ERI1: variants seen among roughly 807,000 people sequenced by gnomAD.
ERI1 encodes exoribonuclease 1, also known as 3'-5' exoribonuclease 1.
A neutral mutation model predicts 39.7 loss-of-function variants in ERI1; 39 were observed. The observed-to-expected ratio is 0.98, with a 90% CI of 0.76 to 1.28. ERI1 has a LOEUF of 1.28. Ranked by LOEUF, ERI1 falls within the 50% of genes most tolerant of loss-of-function variation. The pLI, the probability that ERI1 is intolerant of heterozygous loss-of-function variation, is 0.00. For synonymous variants in ERI1, 204 were observed against 149.6 expected (o/e 1.36, Z -2.65); for missense variants, 581 against 416.9 (o/e 1.39, Z -3.43).
chr8:9,019,484 C>T (rs1299588328), intron 5 of ERI1, among the ~76,000 whole-genome samples: 2 of 152,188 alleles, frequency 1.3e-5, no homozygotes, highest in Admixed American at 1.3e-4. Flanking sequence ...ATAGTATACG[C>T]AGTTCTGGTA....
downstream of ERI1, among the ~76,000 whole-genome samples, chr8:9,033,851 A>C (rs1344521952): frequency 8.2e-6 from 1 of 122,376 alleles, no homozygotes; most frequent in Non-Finnish European, 1.8e-5. Flanking sequence ...TAGGTAGAAT[A>C]AACATCTTCC....
At chr8:9,080,460 G>A (rs559879391) in intron 3 of ERI1, among the ~76,000 whole-genome samples, 24 of 152,324 alleles carry the variant, frequency 1.6e-4, no homozygotes, top group Admixed American at 3.9e-4. Context: ...AGACAGAGAC[G>A]TGAACAGCAC....
At chr8:9,064,842 A>G (rs752302809) in intron 3 of ERI1, among the ~76,000 whole-genome samples, 1 of 152,180 alleles carries the variant, frequency 6.6e-6, no homozygotes, top group Non-Finnish European at 1.5e-5. Flanking sequence ...TGTGTGAGCA[A>G]CAGGGCTGTT....
At chr8:9,041,685 A>G (rs2117347337) in intron 3 of ERI1, among the ~76,000 whole-genome samples, 1 of 152,364 alleles carries the variant, frequency 6.6e-6, no homozygotes, top group South Asian at 2.1e-4. Context: ...TAGCAAAAAC[A>G]GTATTGAGAG....
intron 3 of ERI1, among the ~76,000 whole-genome samples, chr8:9,088,156 G>GA (rs1173673733): frequency 1.3e-5 from 2 of 152,138 alleles, no homozygotes; most frequent in South Asian, 2.1e-4. Flanking sequence ...GTTCAAAAAG[G>GA]AGGCCTTCTA....
chr8:9,018,790 C>A (rs1019440664), intron 5 of ERI1, among the ~76,000 whole-genome samples: 29 of 151,498 alleles, frequency 1.9e-4, no homozygotes, highest in African/African-American at 7.1e-4. Context: ...TCAGACTGGC[C>A]CAGGAATTCA....
chr8:9,029,236 A>G (rs903480973), intron 6 of ERI1, among the ~76,000 whole-genome samples: 2 of 152,154 alleles, frequency 1.3e-5, no homozygotes, highest in East Asian at 3.8e-4. Context: ...TTAATAAATT[A>G]TTTTTAAATT....
chr8:9,013,704 C>A (rs898106161), intron 3 of ERI1, among the ~76,000 whole-genome samples: 5 of 152,154 alleles, frequency 3.3e-5, no homozygotes, highest in East Asian at 1.9e-4. Flanking sequence ...TTTGAACTTA[C>A]CCCAGCCCAT....
At chr8:9,023,438 G>C (rs1386167258) in intron 6 of ERI1, among the ~76,000 whole-genome samples, 2 of 152,032 alleles carry the variant, frequency 1.3e-5, no homozygotes, top group African/African-American at 2.4e-5. Flanking sequence ...TTTTCAGTCA[G>C]TTATGCATAA....
intron 3 of ERI1, among the ~76,000 whole-genome samples, chr8:9,055,763 A>T (rs944914519): frequency 2.6e-5 from 4 of 152,146 alleles, no homozygotes; most frequent in African/African-American, 7.2e-5. Context: ...CTGGTCTTGA[A>T]TTGGCCTCAA....
rs139876860 is a variant in ERI1, at chr8:9,011,621, G to C, written c.367G>C (p.Ala123Pro). The C allele has an allele frequency of 6.8e-6, 11 of 1,613,480 alleles. No individual in the cohort carries two copies. Among genetic ancestry groups the C allele is most frequent in the Non-Finnish European group, 9.3e-6 (11 of 1,179,600 alleles). Reference sequence around the variant, plus strand: ...GCTGATGCTGAAAGAGAGCAATTTTGCTGACAGTTATTATGACTACATTTG... The same window carrying C: ...GCTGATGCTGAAAGAGAGCAATTTTCCTGACAGTTATTATGACTACATTTG... ...QKLMLKESNF[A>P]DSYYDYICII... The change falls in exon 3 of 7, where the codon GCT (alanine) becomes CCT (proline). Residue 123 changes from alanine to proline, a missense_variant. Physicochemically the swap from Ala to Pro is conservative, Grantham distance 27 (BLOSUM62 -1). Coordinates refer to ENST00000250263, the MANE Select transcript of ERI1 (RefSeq NM_153332.4).
At chr8:9,044,248 TG>T (rs1363384004) in intron 3 of ERI1, among the ~76,000 whole-genome samples, 1 of 152,240 alleles carries the variant, frequency 6.6e-6, no homozygotes, top group African/African-American at 2.4e-5. Context: ...CTTGTTAGCA[TG>T]GCATGCTGGA....
In ERI1 at chr8:9,003,007, G is replaced by A. The variant is rs1399868378; in HGVS notation, c.-57G>A. The A allele has an allele frequency of 9.0e-7, 1 of 1,112,938 alleles. No homozygotes were observed. Among genetic ancestry groups the A allele is most frequent in the African/African-American group, 1.6e-5 (1 of 62,034 alleles). 68.9% of individuals were successfully genotyped at this position (1,112,938 alleles called of 1,614,324 possible). ...AAAGGCGAGGCTTTCGGGCTCTGCA[G>A]AGTGAGAGTTAGCAAGTGTCCGGCT... On this transcript the variant is annotated 5_prime_UTR_variant, in exon 1 of 7. Transcript: ENST00000250263.
chr8:9,056,005 C>T (rs774070396), intron 3 of ERI1, among the ~76,000 whole-genome samples: 2 of 152,204 alleles, frequency 1.3e-5, no homozygotes, highest in Non-Finnish European at 2.9e-5. Flanking sequence ...CACTCCTAAG[C>T]CTTCACTTTG....
In ERI1 at chr8:9,030,313, C is replaced by T. The variant is rs775385164; in HGVS notation, c.*279C>T. ...TAATTTAAGGTGTTCAAGATATATT[C>T]TTTTTGGTTTTAAAATGCAAAATCT... On this transcript the variant is annotated 3_prime_UTR_variant, in exon 7 of 7. Coordinates refer to ENST00000250263, the MANE Select transcript of ERI1 (RefSeq NM_153332.4). 11 of 358,140 alleles carry T rather than the reference C, an allele frequency of 3.1e-5. No individual in the cohort carries two copies. The South Asian group carries it at 5.2e-4, about 17-fold the overall frequency. The allele number at this position is 358,140 out of a possible 1,614,324, so 22.2% of individuals were successfully genotyped here. A position where few individuals can be genotyped will look rare whatever the true frequency, so the allele number is the denominator to read the frequency against.
chr8:9,090,865 T>C (rs1232782691), intron 3 of ERI1, among the ~76,000 whole-genome samples: 2 of 152,136 alleles, frequency 1.3e-5, no homozygotes, highest in Non-Finnish European at 2.9e-5. Context: ...AGAAGAAATA[T>C]TCCAAGCTGT....
chr8:9,060,993 G>A (rs1348317314), intron 3 of ERI1, among the ~76,000 whole-genome samples: 1 of 152,210 alleles, frequency 6.6e-6, no homozygotes, highest in African/African-American at 2.4e-5. Context: ...AATATGAAAG[G>A]CATATTTAGA....
At chr8:9,039,687 A>C (rs1797957386) in intron 3 of ERI1, among the ~76,000 whole-genome samples, 1 of 152,158 alleles carries the variant, frequency 6.6e-6, no homozygotes, top group Non-Finnish European at 1.5e-5. Flanking sequence ...AATCAAATAA[A>C]ATTCTTTAGT....
chr8:9,053,470 C>T (rs924878657), intron 3 of ERI1, among the ~76,000 whole-genome samples: 2 of 151,018 alleles, frequency 1.3e-5, no homozygotes, highest in African/African-American at 4.9e-5. Flanking sequence ...ACAGCCCAGC[C>T]ACTAGCCCCA....
Sources: gnomAD v4.1 joint callset for allele counts (sites outside exome capture counted in the v4.1 genomes callset) on GRCh38, gnomAD v4.1.1 for gene constraint, MANE v1.5 for transcripts, NCBI Gene and HGNC (gene_info 2026-07-23, HGNC 2026-07-21) for gene names.